ATXN1: variants seen among roughly 807,000 people sequenced by gnomAD.
ATXN1 encodes the protein ataxin-1.
A neutral mutation model predicts 56.4 loss-of-function variants in ATXN1; 8 were observed. The observed-to-expected ratio is 0.14, with a 90% CI of 0.08 to 0.26. ATXN1 has a LOEUF of 0.26. Ranked by LOEUF, ATXN1 falls within the 10% of genes least tolerant of loss-of-function variation. The probability of loss-of-function intolerance (pLI) is 1.00; values close to 1 mark genes in which losing one functional copy is unlikely to be tolerated. For synonymous variants in ATXN1, 514 were observed against 494.6 expected, an observed-to-expected ratio of 1.04 and a Z score of -0.52; for missense variants, 987 against 1,106.5, an observed-to-expected ratio of 0.89 and a Z score of 1.53.
At chr6:16,683,501 G>T (rs935602802) in intron 2 of ATXN1, among the ~76,000 whole-genome samples, 4 of 152,200 alleles carry the variant, frequency 2.6e-5, no homozygotes, top group African/African-American at 9.6e-5. Context: ...ATGTTCATTA[G>T]AAAAATTTCT....
chr6:16,429,464 C>T (rs1479891190), intron 6 of ATXN1, among the ~76,000 whole-genome samples: 1 of 133,976 alleles, frequency 7.5e-6, no homozygotes, highest in African/African-American at 2.8e-5. Flanking sequence ...CTCCTCCAGG[C>T]TGGAGTGCAG....
chr6:16,381,213 G>A (rs1758102602), intron 6 of ATXN1, among the ~76,000 whole-genome samples: 1 of 152,166 alleles, frequency 6.6e-6, no homozygotes, highest in Admixed American at 6.5e-5. Flanking sequence ...CTTGAACCTG[G>A]GAGGCAGAGG....
At chr6:16,332,298 C>T (rs1460785180) in intron 6 of ATXN1, among the ~76,000 whole-genome samples, 2 of 152,102 alleles carry the variant, frequency 1.3e-5, no homozygotes, top group Non-Finnish European at 2.9e-5. Context: ...CCAGAGGGCG[C>T]CCCAGGATGG....
At chr6:16,400,909 A>G (rs1388300965) in intron 6 of ATXN1, among the ~76,000 whole-genome samples, 1 of 152,248 alleles carries the variant, frequency 6.6e-6, no homozygotes, top group South Asian at 2.1e-4. Flanking sequence ...ACCAGGGCCA[A>G]TCCGTGGAAA....
At chr6:16,594,477 T>G (rs1294732235) in intron 3 of ATXN1, among the ~76,000 whole-genome samples, 5 of 151,728 alleles carry the variant, frequency 3.3e-5, no homozygotes, top group Non-Finnish European at 5.9e-5. Flanking sequence ...TTTTTCCTTT[T>G]TTTTTTTTTA....
intron 4 of ATXN1, among the ~76,000 whole-genome samples, chr6:16,523,051 CT>C (rs1761324406): frequency 6.6e-6 from 1 of 151,930 alleles, no homozygotes; most frequent in Admixed American, 6.6e-5. Context: ...TTGAAGAAGT[CT>C]TTTTTTGTAT....
chr6:16,672,747 C>T (rs1042851592), intron 2 of ATXN1, among the ~76,000 whole-genome samples: 13 of 152,254 alleles, frequency 8.5e-5, no homozygotes, highest in African/African-American at 3.1e-4. Flanking sequence ...GGGCCAGGCA[C>T]GATGGTTCAT....
chr6:16,345,989 C>A (rs1761377993), intron 6 of ATXN1, among the ~76,000 whole-genome samples: 1 of 152,154 alleles, frequency 6.6e-6, no homozygotes, highest in Admixed American at 6.5e-5. Flanking sequence ...GTAGGCAACA[C>A]CCTCTGAATG....
At chr6:16,362,886 C>A (rs1181768526) in intron 6 of ATXN1, among the ~76,000 whole-genome samples, 1 of 152,186 alleles carries the variant, frequency 6.6e-6, no homozygotes, top group African/African-American at 2.4e-5. Flanking sequence ...CTAATACCTA[C>A]AAAGCACTTT....
chr6:16,357,251 T>C (rs1438527526), intron 6 of ATXN1, among the ~76,000 whole-genome samples: 1 of 148,056 alleles, frequency 6.8e-6, no homozygotes. Flanking sequence ...TATTTTATTT[T>C]ATTTTATTTA....
intron 2 of ATXN1, among the ~76,000 whole-genome samples, chr6:16,705,089 G>T (rs753241911): frequency 6.6e-6 from 1 of 152,216 alleles, no homozygotes; most frequent in African/African-American, 2.4e-5. Flanking sequence ...ACAGGAATAT[G>T]ACACGATTGC....
At chr6:16,456,563 C>A (rs1380931608) in intron 6 of ATXN1, among the ~76,000 whole-genome samples, 1 of 152,166 alleles carries the variant, frequency 6.6e-6, no homozygotes, top group Non-Finnish European at 1.5e-5. Flanking sequence ...GGGGTCTCAA[C>A]AAAAAGTTGG....
intron 2 of ATXN1, among the ~76,000 whole-genome samples, chr6:16,703,490 A>T (rs1354680931): frequency 6.6e-6 from 1 of 152,232 alleles, no homozygotes; most frequent in Non-Finnish European, 1.5e-5. Flanking sequence ...TTTTAAAAAA[A>T]TTCCTTTATA....
chr6:16,461,251 G>A (rs1007197001), intron 6 of ATXN1, among the ~76,000 whole-genome samples: 11 of 152,208 alleles, frequency 7.2e-5, no homozygotes, highest in Admixed American at 2.0e-4. Context: ...GGACTTTCAC[G>A]GGGGCATAGT....
intron 6 of ATXN1, among the ~76,000 whole-genome samples, chr6:16,468,468 C>T (rs926228356): frequency 4.6e-5 from 7 of 152,140 alleles, no homozygotes; most frequent in African/African-American, 1.2e-4. Context: ...GGATTACAGG[C>T]GTGAGCCACC....
intron 2 of ATXN1, among the ~76,000 whole-genome samples, chr6:16,698,650 T>TAAAAAAAAAAAAAAAAA (rs11311429): frequency 7.4e-6 from 1 of 135,350 alleles, no homozygotes; most frequent in African/African-American, 2.7e-5. Context: ...CCTCAAAAAT[T>TAAAAAAAAAAAAAAAAA]AAAAAAAAAA....
At chr6:16,573,954 C>A (rs1332877215) in intron 4 of ATXN1, among the ~76,000 whole-genome samples, 1 of 152,224 alleles carries the variant, frequency 6.6e-6, no homozygotes, top group Non-Finnish European at 1.5e-5. Context: ...ATTACAAATT[C>A]TCAGTTGTCT....
intron 6 of ATXN1, among the ~76,000 whole-genome samples, chr6:16,380,633 G>A (rs889564095): frequency 2.0e-5 from 3 of 152,100 alleles, no homozygotes; most frequent in Non-Finnish European, 2.9e-5. Flanking sequence ...CTGCACACGC[G>A]CATTCAAATG....
At chr6:16,613,271 C>CAA (rs765813165) in intron 3 of ATXN1, among the ~76,000 whole-genome samples, 650 of 51,486 alleles carry the variant, frequency 0.013, 17 homozygotes, top group Non-Finnish European at 0.018. Context: ...GACTCCGTCT[C>CAA]AAAAAAAAAA....
Sources: allele counts gnomAD v4.1 joint callset (sites outside exome capture counted in the v4.1 genomes callset), GRCh38; gene constraint gnomAD v4.1.1; transcripts MANE v1.5; gene names NCBI Gene and HGNC (gene_info 2026-07-23, HGNC 2026-07-21).